Variants in SLC26A6 observed in about 807,000 individuals in gnomAD.
SLC26A6 encodes the protein anion exchange transporter.
SLC26A6 carries 67 observed loss-of-function variants against 87.1 expected under a neutral mutation model. The observed-to-expected ratio is 0.77, with a 90% confidence interval of 0.63 to 0.94. The LOEUF is 0.94. Among genes scored for constraint, SLC26A6 ranks in the 40% least tolerant of loss-of-function variants. The probability of loss-of-function intolerance (pLI) is 0.00; values close to 1 mark genes in which losing one functional copy is unlikely to be tolerated. For synonymous variants in SLC26A6, 414 were observed against 405.9 expected, an observed-to-expected ratio of 1.02 and a Z score of -0.24; for missense variants, 902 against 973.0, an observed-to-expected ratio of 0.93 and a Z score of 0.97.
chr3:48,627,687 A>G (rs149753699), intron 17 of SLC26A6: 240 of 366,626 alleles, frequency 6.5e-4, no homozygotes, highest in Non-Finnish European at 8.2e-4. Flanking sequence ...TCCTCTACCC[A>G]TGAGCAGACT....
At chr3:48,631,380 TGAG>T in intron 7 of SLC26A6, 74 bp from the exon 8 acceptor site, 1 of 1,434,310 alleles carries the variant, frequency 7.0e-7, no homozygotes, top group Non-Finnish European at 9.3e-7. Flanking sequence ...CACTGTGAGG[TGAG>T]GAGGGAGATA....
Position 48,627,060 on chromosome 3 carries a change from G to A in SLC26A6, c.1894-5C>T, listed in dbSNP as rs1341688982. The A allele has an allele frequency of 1.9e-6, 3 of 1,610,786 alleles. No homozygotes were observed. The highest frequency in any genetic ancestry group is 2.5e-6 in the Non-Finnish European group (3 of 1,178,420). On this transcript the variant is annotated splice_polypyrimidine_tract_variant and splice_region_variant and intron_variant, in intron 17 of 20. Transcript: ENST00000395550. ...CTTATCTCCTGAGCTCACCTGCTGG[G>A]GAGCCAGACATGCTGCCAGGGCCAC...
Position 48,629,980 on chromosome 3 carries a change from T to C in SLC26A6, c.1423-2A>G, listed in dbSNP as rs1559466713. 6.2e-7 allele frequency: 1 copy of C among 1,613,990 alleles called. No homozygotes were observed. Among genetic ancestry groups the C allele is most frequent in the East Asian group, 2.2e-5 (1 of 44,876 alleles). On this transcript the variant is annotated splice_acceptor_variant, in intron 12 of 20. Transcript: ENST00000395550. LOFTEE classifies it high-confidence loss of function. ...CGTGAAGGTCACCAGCCAGATAAGCTGAGAACAGAGGGCAGCGGTTGGAGG... is the reference window on the plus strand; with the variant it reads ...CGTGAAGGTCACCAGCCAGATAAGCCGAGAACAGAGGGCAGCGGTTGGAGG...
chr3:48,632,919 C>T (rs144104428), intron 4 of SLC26A6, 55 bp downstream of exon 4: 1 of 1,528,656 alleles, frequency 6.5e-7, no homozygotes, highest in East Asian at 2.3e-5. Context: ...CCTCACCCTG[C>T]CCTCCATGAT....
In SLC26A6 at chr3:48,626,236, G is replaced by C. The variant is rs760813072; in HGVS notation, c.2247C>G (p.Val749=). 1 of 1,614,084 alleles carries C rather than the reference G, an allele frequency of 6.2e-7. No homozygotes were observed. Among genetic ancestry groups the C allele is most frequent in the South Asian group, 1.1e-5 (1 of 91,072 alleles). ...VTFALQHPRP[V]PDSPVSVTRL ...GGCTCACCGAAACAGGGCTGTCGGG[G>C]ACAGGCCTCGGGTGTTGGAGGGCAA... The change falls in exon 20 of 21, where the codon GTC becomes GTG. Residue 749 remains valine, a synonymous_variant. Coordinates refer to ENST00000395550, the MANE Select transcript of SLC26A6 (RefSeq NM_022911.3).
chr3:48,628,405 T>C lies in SLC26A6; in HGVS notation c.1800+29A>G. ...GGGGCAGGGAACAGGGGGCAGGAGATGGGGGTCACCAGACAAAAGGGGCCC... is the reference window on the plus strand; with the variant it reads ...GGGGCAGGGAACAGGGGGCAGGAGACGGGGGTCACCAGACAAAAGGGGCCC... On this transcript the variant is annotated intron_variant, in intron 16 of 20. Transcript: ENST00000395550. The surrounding 1 kb of genome is among the most constrained non-coding windows in gnomAD (Gnocchi z 4.4). 1 of 1,595,746 alleles carries C rather than the reference T, an allele frequency of 6.3e-7. No individual in the cohort carries two copies. Among genetic ancestry groups the C allele is most frequent in the Non-Finnish European group, 8.5e-7 (1 of 1,172,052 alleles).
In SLC26A6 at chr3:48,625,906, G is replaced by A. The variant is rs1008966110; in HGVS notation, c.*80C>T. The A allele has an allele frequency of 1.9e-6, 3 of 1,590,358 alleles. No individual in the cohort carries two copies. The highest frequency in any genetic ancestry group is 2.7e-5 in the African/African-American group (2 of 74,474). On this transcript the variant is annotated 3_prime_UTR_variant, in exon 21 of 21. Transcript: ENST00000395550. The surrounding 1 kb of genome is among the most constrained non-coding windows in gnomAD (Gnocchi z 4.7). ...TGGAGGGGACTCCTGGGTAGCACCTGGAGGCGGCCTAGGGGTGAGGGGCTT... is the reference window on the plus strand; with the variant it reads ...TGGAGGGGACTCCTGGGTAGCACCTAGAGGCGGCCTAGGGGTGAGGGGCTT...
At position 48,631,782 on chromosome 3, in the gene SLC26A6, C is replaced by T. The variant is rs1292501065; in HGVS notation, c.770G>A (p.Trp257Ter). 4.3e-6 allele frequency: 7 copies of T among 1,613,402 alleles called. No homozygotes were observed. The African/African-American group carries it at 6.7e-5, about 15-fold the overall frequency. The change falls in exon 7 of 21, where the codon TGG becomes TAG. Residue 257 changes from tryptophan to a stop codon, truncating the protein, a stop_gained. Coordinates refer to ENST00000395550, the MANE Select transcript of SLC26A6 (RefSeq NM_022911.3). LOFTEE classifies it high-confidence loss of function. ...SLIYTVLEVC[W>*]KLPQSKVGTV... ...GCCAACCTTGCTCTGGGGCAGCTTC[C>T]AGCAGACCTCCAGCACTGTCTGAGG...
chr3:48,633,107 G>C, intron 3 of SLC26A6, 23 bp from the exon 4 acceptor site: 1 of 1,603,214 alleles, frequency 6.2e-7, no homozygotes, highest in Non-Finnish European at 8.5e-7. Context: ...TGGTAGCAGT[G>C]CAGGCCTGGA....
intron 1 of SLC26A6, chr3:48,634,597 A>C: frequency 2.0e-6 from 1 of 504,104 alleles, no homozygotes; most frequent in Non-Finnish European, 2.6e-6. Flanking sequence ...TCACCTGGGA[A>C]TAGATCTCAC....
chr3:48,631,145 G>A lies in SLC26A6; in HGVS notation c.987-5C>T, dbSNP rs771530960. The A allele has an allele frequency of 6.8e-6, 11 of 1,613,764 alleles. 1 individual carries two copies. Among genetic ancestry groups the A allele is most frequent in the South Asian group, 6.6e-5 (6 of 91,078 alleles). On this transcript the variant is annotated splice_polypyrimidine_tract_variant and splice_region_variant and intron_variant, in intron 8 of 20. Coordinates refer to ENST00000395550, the MANE Select transcript of SLC26A6 (RefSeq NM_022911.3). ...GGGGCCACTGGGGGCACCAGCCTGT[G>A]AGAGGTATCTGTGAGGCCAAAGCAA...
intron 4 of SLC26A6, chr3:48,632,719 G>T: frequency 2.9e-6 from 2 of 680,564 alleles, no homozygotes; most frequent in Non-Finnish European, 5.3e-6. Context: ...TCAGGCCTCT[G>T]CCAAGTTCCA....
chr3:48,633,353 G>A lies in SLC26A6; in HGVS notation c.220C>T (p.His74Tyr). The A allele has an allele frequency of 6.2e-7, 1 of 1,613,578 alleles. No individual in the cohort carries two copies. The highest frequency in any genetic ancestry group is 1.1e-5 in the South Asian group (1 of 91,088). Reference protein sequence around the residue: ...RARAYALLLQHLPVLVWLPRY... With the variant: ...RARAYALLLQYLPVLVWLPRY... ...GGTAACCAGACCAAAACCGGGAGGT[G>A]TTGGAGCAGAAGGGCATAGGCCCGA... The change falls in exon 3 of 21, where the codon CAC (histidine) becomes TAC (tyrosine). Residue 74 changes from histidine to tyrosine, a missense_variant. His to Tyr is a moderately conservative substitution (Grantham distance 83). Transcript: ENST00000395550.
intron 4 of SLC26A6, 79 bp downstream of exon 4, chr3:48,632,895 C>T: frequency 7.1e-7 from 1 of 1,401,252 alleles, no homozygotes; most frequent in Non-Finnish European, 1.0e-6. Flanking sequence ...CCGCTCCTGC[C>T]CTGCTCAGTG....
chr3:48,625,974 G>C lies in SLC26A6; in HGVS notation c.*12C>G. 1 of 1,613,870 alleles carries C rather than the reference G, an allele frequency of 6.2e-7. No homozygotes were observed. The highest frequency in any genetic ancestry group is 1.1e-5 in the South Asian group (1 of 91,028). ...CCTCCAGAGGTGCAGTCTTGGGCAG[G>C]ATGTAGCATGTTCAGAGTCTGGTGA... On this transcript the variant is annotated 3_prime_UTR_variant, in exon 21 of 21. Transcript: ENST00000395550. The surrounding 1 kb of genome is among the most constrained non-coding windows in gnomAD (Gnocchi z 4.7).
intron 4 of SLC26A6, 108 bp from the exon 5 acceptor site, chr3:48,632,504 C>G: frequency 6.9e-7 from 1 of 1,440,554 alleles, no homozygotes; most frequent in Non-Finnish European, 9.5e-7. Flanking sequence ...GATAAATGTA[C>G]TCAGATTATG....
At chr3:48,634,695 T>C in intron 1 of SLC26A6, 3 of 984,506 alleles carry the variant, frequency 3.0e-6, no homozygotes, top group Non-Finnish European at 3.6e-6. Flanking sequence ...AGCCCTGACC[T>C]GGGGAGAGGA....
Position 48,631,967 on chromosome 3 carries a change from A to G in SLC26A6, c.663T>C (p.Ala221=), listed in dbSNP as rs746111384. ...GTGAGACGAAGACCTGCACAGCTGC[A>G]GCTGTGGTATAGCCTCGGACAAGAG... is the stretch of plus-strand genomic sequence containing the variant. ...SEPLVRGYTT[A]AAVQVFVSQL... The change falls in exon 6 of 21, where the codon GCT becomes GCC. Residue 221 remains alanine, a synonymous_variant. Transcript: ENST00000395550. The G allele has an allele frequency of 5.6e-6, 9 of 1,613,562 alleles. No individual in the cohort carries two copies. In the East Asian group the frequency reaches 1.3e-4, roughly 24 times the overall value.
chr3:48,628,299 G>A lies in SLC26A6; in HGVS notation c.1800+135C>T. 2.5e-6 allele frequency: 3 copies of A among 1,213,658 alleles called. No homozygotes were observed. The highest frequency in any genetic ancestry group is 2.9e-5 in the South Asian group (2 of 69,670). The allele number at this position is 1,213,658 out of a possible 1,614,324, so 75.2% of individuals were successfully genotyped here. On this transcript the variant is annotated intron_variant, in intron 16 of 20. Transcript: ENST00000395550. This position sits in a 1 kb window ranked among gnomAD's most constrained non-coding sequence, Gnocchi z 4.4. ...CCGGACCTGCTAGGGGAGTGAAGCAGGGTCCCTGGGAGCATGAGGGAGAAA... is the reference window on the plus strand; with the variant it reads ...CCGGACCTGCTAGGGGAGTGAAGCAAGGTCCCTGGGAGCATGAGGGAGAAA...
Sources: allele counts gnomAD v4.1 joint callset, GRCh38; gene constraint gnomAD v4.1.1; non-coding constraint Gnocchi (gnomAD v3.1); transcripts MANE v1.5; gene names NCBI Gene and HGNC (gene_info 2026-07-23, HGNC 2026-07-21).